SFMBT2: variants seen among roughly 807,000 people sequenced by gnomAD.
SFMBT2 encodes scm-like with four MBT domains protein 2.
A neutral mutation model predicts 110.1 loss-of-function variants in SFMBT2; 38 were observed. The ratio of observed to expected loss-of-function variants is 0.35; its 90% CI spans 0.27 to 0.45. SFMBT2 has a LOEUF of 0.45. Among genes scored for constraint, SFMBT2 ranks in the 20% least tolerant of loss-of-function variants. The pLI, the probability that SFMBT2 is intolerant of heterozygous loss-of-function variation, is 1.00. For missense variants in SFMBT2, 1,011 were observed against 1,094.9 expected, an observed-to-expected ratio of 0.92 and a Z score of 1.08; for synonymous variants, 425 against 425.4, an observed-to-expected ratio of 1.00 and a Z score of 0.01.
intron 11 of SFMBT2, chr10:7,215,790 G>A (rs994667688): frequency 2.1e-6 from 2 of 951,246 alleles, no homozygotes; most frequent in Non-Finnish European, 2.5e-6. Flanking sequence ...TGTTTGGCTT[G>A]AGGGTCTACT....
chr10:7,287,424 T>C (rs902692569), intron 4 of SFMBT2: 2 of 244,004 alleles, frequency 8.2e-6, no homozygotes, highest in African/African-American at 4.6e-5. Flanking sequence ...AGGGCAACAT[T>C]CTACAAGTGC....
intron 10 of SFMBT2, among the ~76,000 whole-genome samples, chr10:7,224,021 G>A (rs1839828563): frequency 6.6e-6 from 1 of 152,150 alleles, no homozygotes; most frequent in Non-Finnish European, 1.5e-5. Flanking sequence ...GCTTGGTTTA[G>A]TCTATGTTGA....
intron 4 of SFMBT2, among the ~76,000 whole-genome samples, chr10:7,330,104 T>C (rs1431840883): frequency 1.3e-5 from 2 of 152,186 alleles, no homozygotes; most frequent in African/African-American, 2.4e-5. Context: ...AAATCTCGGC[T>C]GCCCAAAGAT....
chr10:7,379,250 C>A (rs1377881004), intron 2 of SFMBT2, among the ~76,000 whole-genome samples: 1 of 152,146 alleles, frequency 6.6e-6, no homozygotes, highest in Non-Finnish European at 1.5e-5. Context: ...CAGGAGAAGA[C>A]CTTCAGCACT....
chr10:7,186,423 T>C lies in SFMBT2; in HGVS notation c.1808+2201A>G, dbSNP rs377319664. ...CATATACACATACATACATACTATA[T>C]ATACACACACACACACACACACACA... On this transcript the variant is annotated intron_variant, in intron 16 of 20. Coordinates refer to ENST00000397167, the MANE Select transcript of SFMBT2 (RefSeq NM_001387889.1). Among the ~76,000 whole-genome samples, 1,011 of 108,086 alleles carry C rather than the reference T, an allele frequency of 9.4e-3. 8 individuals are homozygous for C. The highest frequency in any genetic ancestry group is 0.048 in the South Asian group (157 of 3,252). 70.9% of individuals were successfully genotyped at this position (108,086 alleles called of 152,430 possible). A position where few individuals can be genotyped will look rare whatever the true frequency, so the allele number is the denominator to read the frequency against.
chr10:7,191,853 T>C, intron 15 of SFMBT2, among the ~76,000 whole-genome samples: 1 of 152,206 alleles, frequency 6.6e-6, no homozygotes, highest in Non-Finnish European at 1.5e-5. Flanking sequence ...TAAATTATTC[T>C]GTTCATCTAA....
intron 4 of SFMBT2, among the ~76,000 whole-genome samples, chr10:7,307,743 T>C (rs547236457): frequency 2.6e-5 from 4 of 152,302 alleles, no homozygotes; most frequent in African/African-American, 7.2e-5. Context: ...GAATATAGAA[T>C]ACATTTTTGC....
At chr10:7,242,845 ATTT>A (rs1188702707) in intron 9 of SFMBT2, among the ~76,000 whole-genome samples, 9 of 152,216 alleles carry the variant, frequency 5.9e-5, no homozygotes, top group Non-Finnish European at 1.2e-4. Flanking sequence ...ACCCCTTATT[ATTT>A]AAGTTTGTCT....
chr10:7,183,826 C>T (rs1044242532), intron 16 of SFMBT2, among the ~76,000 whole-genome samples: 4 of 152,208 alleles, frequency 2.6e-5, no homozygotes, highest in African/African-American at 9.7e-5. Context: ...AAAGCCTTTG[C>T]TCCCAGCTCC....
chr10:7,251,230 C>T (rs1460767558), intron 7 of SFMBT2, among the ~76,000 whole-genome samples: 1 of 150,758 alleles, frequency 6.6e-6, no homozygotes, highest in Non-Finnish European at 1.5e-5. Flanking sequence ...AATCCCAGCA[C>T]TTTGGGAGGC....
intron 4 of SFMBT2, among the ~76,000 whole-genome samples, chr10:7,315,022 GA>G (rs1842952701): frequency 8.9e-6 from 1 of 112,288 alleles, no homozygotes; most frequent in African/African-American, 3.6e-5. Flanking sequence ...AAAGAAAAGA[GA>G]GAGAAAGAAA....
chr10:7,290,317 G>A (rs994694870), intron 4 of SFMBT2, among the ~76,000 whole-genome samples: 14 of 151,174 alleles, frequency 9.3e-5, no homozygotes, highest in African/African-American at 3.4e-4. Context: ...TTTTTTCAAG[G>A]TTTTACTTAG....
chr10:7,407,547 C>G (rs1846252937), intron 1 of SFMBT2, among the ~76,000 whole-genome samples: 1 of 152,096 alleles, frequency 6.6e-6, no homozygotes, highest in Non-Finnish European at 1.5e-5. Flanking sequence ...GGCCCCGGAA[C>G]CCCAAACCCG....
chr10:7,339,689 C>T (rs1311116812), intron 4 of SFMBT2, among the ~76,000 whole-genome samples: 1 of 152,224 alleles, frequency 6.6e-6, no homozygotes, highest in Non-Finnish European at 1.5e-5. Flanking sequence ...CTGGGAACTG[C>T]ATTCCATGGC....
intron 15 of SFMBT2, among the ~76,000 whole-genome samples, chr10:7,192,324 A>G (rs761919025): frequency 3.9e-5 from 6 of 152,308 alleles, no homozygotes; most frequent in Admixed American, 1.3e-4. Context: ...AGTCCTCAAT[A>G]CGAGATCGTC....
At chr10:7,280,569 C>G (rs1841922672) in intron 6 of SFMBT2, among the ~76,000 whole-genome samples, 1 of 152,134 alleles carries the variant, frequency 6.6e-6, no homozygotes, top group Non-Finnish European at 1.5e-5. Context: ...CTTAAACGAC[C>G]CTAACCTCAA....
At chr10:7,276,819 C>T (rs1175720493) in intron 7 of SFMBT2, 73 bp downstream of exon 7, 1 of 786,280 alleles carries the variant, frequency 1.3e-6, no homozygotes, top group Admixed American at 1.7e-5. Context: ...AGCCACTGCG[C>T]CCGGCCGGAA....
chr10:7,298,988 A>T (rs1842486940), intron 4 of SFMBT2, among the ~76,000 whole-genome samples: 1 of 152,204 alleles, frequency 6.6e-6, no homozygotes, highest in Non-Finnish European at 1.5e-5. Context: ...AGGCGGGTGG[A>T]TTACCTGAGT....
At chr10:7,331,993 G>A (rs888875118) in intron 4 of SFMBT2, among the ~76,000 whole-genome samples, 2 of 144,336 alleles carry the variant, frequency 1.4e-5, no homozygotes, top group African/African-American at 5.2e-5. Flanking sequence ...AGTCTCCTGG[G>A]CAACAGAATG....
Sources: allele counts gnomAD v4.1 joint callset (sites outside exome capture counted in the v4.1 genomes callset), GRCh38; gene constraint gnomAD v4.1.1; transcripts MANE v1.5; gene names NCBI Gene and HGNC (gene_info 2026-07-23, HGNC 2026-07-21).